Variants in CFAP46 observed in about 807,000 individuals in gnomAD.
The protein encoded by CFAP46 is cilia- and flagella-associated protein 46.
CFAP46 carries 245 observed loss-of-function variants against 325.7 expected under a neutral mutation model. The observed-to-expected ratio is 0.75, with a 90% CI of 0.68 to 0.84. CFAP46 has a LOEUF of 0.84. Among genes scored for constraint, CFAP46 ranks in the 40% least tolerant of loss-of-function variants. CFAP46 has a pLI of 0.00. For synonymous variants in CFAP46, 1,523 were observed against 1,495.9 expected, an observed-to-expected ratio of 1.02 and a Z score of -0.42; for missense variants, 3,346 against 3,543.0, an observed-to-expected ratio of 0.94 and a Z score of 1.41.
chr10:132,929,532 C>G (rs776190096), intron 9 of CFAP46, 173 bp downstream of exon 9: 8 of 789,926 alleles, frequency 1.0e-5, no homozygotes, highest in Admixed American at 6.8e-5. Flanking sequence ...TTGCAAACAC[C>G]ATCTAACTGC....
Position 132,847,170 on chromosome 10 carries a change from A to C in CFAP46, c.6087+17T>G. ...TCCGGGCAGAGGCCACACGAGGGGC[A>C]GGAGGGGCAGCCGCACCTTCAGGTC... On this transcript the variant is annotated intron_variant, in intron 42 of 57. Coordinates refer to ENST00000368586, the MANE Select transcript of CFAP46 (RefSeq NM_001200049.3). The surrounding 1 kb of genome is among the most constrained non-coding windows in gnomAD (Gnocchi z 5.2). The C allele has an allele frequency of 6.2e-7, 1 of 1,609,610 alleles. No homozygotes were observed.
At chr10:132,929,524 G>A (rs1849859299) in intron 9 of CFAP46, 181 bp downstream of exon 9, 1 of 786,192 alleles carries the variant, frequency 1.3e-6, no homozygotes. Context: ...GTGTAAAATT[G>A]CAAACACCAT....
chr10:132,864,424 ACCTGTCCC>A (rs1848776447), intron 35 of CFAP46, among the ~76,000 whole-genome samples: 1 of 88,356 alleles, frequency 1.1e-5, no homozygotes, highest in Non-Finnish European at 2.2e-5. Context: ...ACATGCACAC[ACCTGTCCC>A]CAGTGCCTGA....
rs1185602997 is a variant in CFAP46 at position 132,921,102 on chromosome 10, TCTC to T, written c.1607-923_1607-921del. 2.0e-5 allele frequency among the ~76,000 whole-genome samples: 3 copies of T among 152,252 alleles called. No homozygotes were observed. The East Asian group carries it at 5.8e-4, about 29-fold the overall frequency. On this transcript the variant is annotated intron_variant, in intron 13 of 57. Transcript: ENST00000368586. ...GCGCGACCCACCCTGCGTCTGCCCA[TCTC>T]CTCGTCTCAGACCCGAGACATGACC... is the stretch of plus-strand genomic sequence containing the variant.
At chr10:132,824,481 GTGTGCGC>G (rs1847989242) in intron 50 of CFAP46, among the ~76,000 whole-genome samples, 3 of 114,338 alleles carry the variant, frequency 2.6e-5, no homozygotes, top group Non-Finnish European at 3.6e-5. Context: ...TGTGTGTGCT[GTGTGCGC>G]TGTGTGCTGT....
rs1848964717 is a variant in CFAP46, at chr10:132,876,897, G to A, written c.4277C>T (p.Ser1426Phe). The A allele has an allele frequency of 1.3e-6, 2 of 1,550,466 alleles. No homozygotes were observed. The highest frequency in any genetic ancestry group is 4.9e-5 in the East Asian group (2 of 40,938). ...CAGCACTTCCTCGGGGCAGGAGTAGGAAGCCCACTCTTCTATGCTCATGGG... is the reference window on the plus strand; with the variant it reads ...CAGCACTTCCTCGGGGCAGGAGTAGAAAGCCCACTCTTCTATGCTCATGGG... ...DLPMSIEEWA[S>F]YSCPEEVLSV... Residue 1426 changes from serine (S) to phenylalanine (F), a missense_variant, in exon 31 of 58, where the codon TCC becomes TTC. By Grantham distance (155) the Ser-to-Phe change is radical (BLOSUM62 -2). Transcript: ENST00000368586. The surrounding 1 kb of genome is among the most constrained non-coding windows in gnomAD (Gnocchi z 4.1).
chr10:132,933,323 G>C (rs1018809236), intron 8 of CFAP46, among the ~76,000 whole-genome samples: 1 of 152,224 alleles, frequency 6.6e-6, no homozygotes, highest in East Asian at 1.9e-4. Flanking sequence ...GGCAGGTCGG[G>C]AAGAGAGAAT....
chr10:132,941,814 C>A, intron 2 of CFAP46, 92 bp from the exon 3 acceptor site: 1 of 1,577,602 alleles, frequency 6.3e-7, no homozygotes, highest in Non-Finnish European at 8.6e-7. Context: ...GAACAGGCCC[C>A]CAGCACAGGT....
At chr10:132,933,485 A>T (rs897667318) in intron 8 of CFAP46, among the ~76,000 whole-genome samples, 5 of 152,210 alleles carry the variant, frequency 3.3e-5, no homozygotes, top group Non-Finnish European at 7.3e-5. Flanking sequence ...AGTTAGAACA[A>T]CCTGGAGGGT....
In CFAP46 at chr10:132,899,558, GGCTGCCACCAGTCGCA is replaced by G; in HGVS notation, c.3017_3032del (p.Leu1006ProfsTer20). On this transcript the variant is annotated frameshift_variant, in exon 23 of 58. Transcript: ENST00000368586. LOFTEE classifies it high-confidence loss of function. The stretch of plus-strand genomic sequence containing the variant: ...ACCTGGCGCTCTCCGTGAAGGCCTT[GGCTGCCACCAGTCGCA>G]GCTGCTTCCGGCCCTTCAGGTTTTC... The G allele has an allele frequency of 6.5e-7, 1 of 1,549,164 alleles. No individual in the cohort carries two copies. The highest frequency in any genetic ancestry group is 1.2e-5 in the South Asian group (1 of 83,940).
At position 132,937,471 on chromosome 10, in the gene CFAP46, T is replaced by A. The variant is rs776534531; in HGVS notation, c.660+81A>T. Reference sequence around the variant, plus strand: ...ATTTTTATATCTCTCAGCAAACTTATGTAATTTCTACGCAGTTTTCTGAAC... The same window carrying A: ...ATTTTTATATCTCTCAGCAAACTTAAGTAATTTCTACGCAGTTTTCTGAAC... On this transcript the variant is annotated intron_variant, in intron 6 of 57. Transcript: ENST00000368586. 4 of 1,548,348 alleles carry A rather than the reference T, an allele frequency of 2.6e-6. No homozygotes were observed. The African/African-American group carries it at 4.1e-5, about 16-fold the overall frequency.
chr10:132,861,300 T>C (rs1167520249), intron 35 of CFAP46, among the ~76,000 whole-genome samples: 1 of 152,194 alleles, frequency 6.6e-6, no homozygotes, highest in African/African-American at 2.4e-5. Flanking sequence ...CTGTATCTCA[T>C]TCCATTTAAT....
At chr10:132,920,031 G>C (rs775966213) in intron 14 of CFAP46, 28 bp downstream of exon 14, 2 of 1,512,408 alleles carry the variant, frequency 1.3e-6, no homozygotes, top group African/African-American at 2.8e-5. Context: ...TGAGCTGTGC[G>C]TGGCGCTCTG....
At chr10:132,902,501 C>A (rs913151037) in intron 22 of CFAP46, among the ~76,000 whole-genome samples, 3 of 152,174 alleles carry the variant, frequency 2.0e-5, no homozygotes, top group Non-Finnish European at 4.4e-5. Context: ...ATTATCGGTT[C>A]CATTCTTTAT....
At chr10:132,853,090 CG>C (rs1333205690) in intron 39 of CFAP46, among the ~76,000 whole-genome samples, 1 of 129,598 alleles carries the variant, frequency 7.7e-6, no homozygotes, top group Admixed American at 9.3e-5. Flanking sequence ...CATGTCAACA[CG>C]GAACACAGGT....
Position 132,909,906 on chromosome 10 carries a change from C to A in CFAP46, c.2649+13G>T, listed in dbSNP as rs999419957. 1.4e-6 allele frequency: 2 copies of A among 1,433,596 alleles called. No individual in the cohort carries two copies. Among genetic ancestry groups the A allele is most frequent in the Non-Finnish European group, 1.8e-6 (2 of 1,096,204 alleles). The allele number at this position is 1,433,596 out of a possible 1,614,324, so 88.8% of individuals were successfully genotyped here. ...GCCTCAGTCAGAGCCCAGATGTGGGCAGGGGCGCCCACCTGCTCCTCGGTG... is the reference window on the plus strand; with the variant it reads ...GCCTCAGTCAGAGCCCAGATGTGGGAAGGGGCGCCCACCTGCTCCTCGGTG... On this transcript the variant is annotated intron_variant, in intron 20 of 57. Transcript: ENST00000368586.
intron 44 of CFAP46, among the ~76,000 whole-genome samples, chr10:132,843,421 G>T (rs1848375844): frequency 1.3e-5 from 2 of 149,544 alleles, no homozygotes; most frequent in Non-Finnish European, 3.0e-5. Flanking sequence ...TGTTCCCAGG[G>T]TGCTGTAAGG....
intron 18 of CFAP46, 103 bp from the exon 19 acceptor site, chr10:132,912,923 G>A (rs1849576451): frequency 1.3e-6 from 2 of 1,486,922 alleles, no homozygotes; most frequent in East Asian, 2.5e-5. Flanking sequence ...AGATGCACGG[G>A]TGCCCACGAC....
rs1849815833 is a variant in CFAP46 at position 132,926,630 on chromosome 10, A to G, written c.1003T>C (p.Cys335Arg). 6.5e-7 allele frequency: 1 copy of G among 1,536,094 alleles called. No individual in the cohort carries two copies. The highest frequency in any genetic ancestry group is 2.4e-5 in the East Asian group (1 of 40,910). Reference sequence around the variant, plus strand: ...TCAAGTCTTAAAGCTTCCGATTCACACTCCAGACATTCCATTTCAATAAGC... The same window carrying G: ...TCAAGTCTTAAAGCTTCCGATTCACGCTCCAGACATTCCATTTCAATAAGC... ...GKLIEMECLE[C>R]ESEALRLESK... Residue 335 changes from cysteine to arginine, a missense_variant, in exon 10 of 58, where the codon TGT becomes CGT. Coordinates refer to ENST00000368586, the MANE Select transcript of CFAP46 (RefSeq NM_001200049.3).
Sources: gnomAD v4.1 joint callset for allele counts (sites outside exome capture counted in the v4.1 genomes callset) on GRCh38, gnomAD v4.1.1 for gene constraint, Gnocchi (gnomAD v3.1) non-coding constraint, MANE v1.5 for transcripts, NCBI Gene and HGNC (gene_info 2026-07-23, HGNC 2026-07-21) for gene names.